PCCA: variants seen among roughly 807,000 people sequenced by gnomAD.
PCCA encodes the protein propionyl-CoA carboxylase subunit alpha, also known as propionyl-CoA carboxylase alpha chain, mitochondrial.
PCCA carries 74 observed loss-of-function variants against 101.3 expected under a neutral mutation model. That is an observed-to-expected ratio of 0.73 (90% confidence interval 0.61 to 0.89). PCCA has a LOEUF of 0.89. Ranked by LOEUF, PCCA falls within the 40% of genes least tolerant of loss-of-function variation. The pLI, the probability that PCCA is intolerant of heterozygous loss-of-function variation, is 0.00. For missense variants in PCCA, 891 were observed against 907.0 expected (o/e 0.98, Z 0.23); for synonymous variants, 294 against 313.6 (o/e 0.94, Z 0.66).
chr13:100,349,325 C>A (rs2072972274), intron 18 of PCCA, among the ~76,000 whole-genome samples: 1 of 152,214 alleles, frequency 6.6e-6, no homozygotes, highest in Non-Finnish European at 1.5e-5. Flanking sequence ...CTGGGTTTCT[C>A]CATGTTGGTC....
Position 100,530,239 on chromosome 13 carries a change from C to A in PCCA, c.*73C>A. Reference sequence around the variant, plus strand: ...ATGATGCTTTCACACACAATTGATTCAAGCATTATACAGGAACACCCCTGT... The same window carrying A: ...ATGATGCTTTCACACACAATTGATTAAAGCATTATACAGGAACACCCCTGT... On this transcript the variant is annotated 3_prime_UTR_variant, in exon 24 of 24. Coordinates refer to ENST00000376285, the MANE Select transcript of PCCA (RefSeq NM_000282.4). 8.3e-7 allele frequency: 1 copy of A among 1,202,694 alleles called. No homozygotes were observed. The highest frequency in any genetic ancestry group is 1.2e-6 in the Non-Finnish European group (1 of 808,648). 74.5% of individuals were successfully genotyped at this position (1,202,694 alleles called of 1,614,324 possible). A position where few individuals can be genotyped will look rare whatever the true frequency, so the allele number is the denominator to read the frequency against.
rs369687883 is a variant in PCCA at position 100,419,652 on chromosome 13, C to G, written c.1747-5981C>G. The stretch of plus-strand genomic sequence containing the variant: ...AGACACAGTTAGGGAGCTATGGAGT[C>G]GTGCATGTGTTTGAAAGCAGAGGCG... On this transcript the variant is annotated intron_variant, in intron 19 of 23. Coordinates refer to ENST00000376285, the MANE Select transcript of PCCA (RefSeq NM_000282.4). Among the ~76,000 whole-genome samples, 133 of 152,246 alleles carry G rather than the reference C, an allele frequency of 8.7e-4. 4 individuals carry two copies. In the South Asian group the frequency reaches 0.025, roughly 28 times the overall value.
chr13:100,143,394 C>T (rs2052127236), intron 4 of PCCA, among the ~76,000 whole-genome samples: 1 of 151,548 alleles, frequency 6.6e-6, no homozygotes, highest in South Asian at 2.1e-4. Flanking sequence ...AATTAGCTAG[C>T]TGTGGTGGTG....
At chr13:100,264,507 C>T (rs948433586) in intron 10 of PCCA, among the ~76,000 whole-genome samples, 17 of 152,076 alleles carry the variant, frequency 1.1e-4, no homozygotes, top group South Asian at 2.1e-4. Flanking sequence ...TAGTCTGTCA[C>T]GTCTTCTTTT....
intron 17 of PCCA, among the ~76,000 whole-genome samples, chr13:100,338,162 A>G (rs2070779145): frequency 6.6e-6 from 1 of 152,222 alleles, no homozygotes; most frequent in Non-Finnish European, 1.5e-5. Context: ...AAGTGCACAC[A>G]GCATCTTTAA....
intron 2 of PCCA, among the ~76,000 whole-genome samples, chr13:100,108,838 C>G (rs182253144): frequency 6.6e-6 from 1 of 152,190 alleles, no homozygotes; most frequent in African/African-American, 2.4e-5. Context: ...GCCTTTTGGG[C>G]AGGGACTTGG....
intron 20 of PCCA, among the ~76,000 whole-genome samples, chr13:100,434,294 G>A (rs2079772865): frequency 6.6e-6 from 1 of 152,176 alleles, no homozygotes; most frequent in African/African-American, 2.4e-5. Context: ...GTGAGAGACA[G>A]GAAGGCAGAA....
intron 7 of PCCA, among the ~76,000 whole-genome samples, chr13:100,219,444 A>G (rs2059692898): frequency 6.6e-6 from 1 of 151,920 alleles, no homozygotes; most frequent in South Asian, 2.1e-4. Context: ...TACACGGGAG[A>G]TTTTTCCTTA....
In PCCA at chr13:100,441,336, A is replaced by G. The variant is rs11620415; in HGVS notation, c.1846-7916A>G. 3.3e-3 allele frequency among the ~76,000 whole-genome samples: 497 copies of G among 152,342 alleles called. 3 individuals carry two copies. The highest frequency in any genetic ancestry group is 0.022 in the South Asian group (105 of 4,826). On this transcript the variant is annotated intron_variant, in intron 20 of 23. Coordinates refer to ENST00000376285, the MANE Select transcript of PCCA (RefSeq NM_000282.4). ...TTTAAAACATATTACCAAGTTGGAA[A>G]TCAGTGAGGGGAAAAAGAAAACTAT...
At chr13:100,465,812 A>G (rs2082472040) in intron 21 of PCCA, among the ~76,000 whole-genome samples, 1 of 152,248 alleles carries the variant, frequency 6.6e-6, no homozygotes, top group Non-Finnish European at 1.5e-5. Context: ...AGTGGCTGGA[A>G]GCTTACAAAG....
intron 6 of PCCA, among the ~76,000 whole-genome samples, chr13:100,175,511 CT>C (rs2056156258): frequency 6.6e-6 from 1 of 152,154 alleles, no homozygotes; most frequent in South Asian, 2.1e-4. Context: ...TGAATTGTGG[CT>C]TTCCGTGCAC....
intron 12 of PCCA, among the ~76,000 whole-genome samples, chr13:100,298,748 T>G (rs568279955): frequency 4.5e-4 from 57 of 127,732 alleles, no homozygotes; most frequent in African/African-American, 1.6e-3. Context: ...CCTTCCGTCC[T>G]TCCTTCCGTC....
chr13:100,477,252 A>G (rs2083487026), intron 21 of PCCA: 1 of 152,194 alleles, frequency 6.6e-6, no homozygotes, highest in Admixed American at 6.5e-5. Flanking sequence ...CACTTAGTAC[A>G]GTTCCTGGCA....
intron 12 of PCCA, among the ~76,000 whole-genome samples, chr13:100,283,476 T>C (rs908383906): frequency 2.0e-5 from 3 of 152,218 alleles, no homozygotes; most frequent in African/African-American, 7.2e-5. Flanking sequence ...TCTGCCTTCC[T>C]CGAGCGGCTA....
intron 13 of PCCA, 123 bp downstream of exon 13, chr13:100,301,726 C>A: frequency 8.9e-7 from 1 of 1,122,982 alleles, no homozygotes. Context: ...ATTACGTAAT[C>A]CATAATTAAA....
At chr13:100,340,461 A>G (rs1293338155) in intron 18 of PCCA, among the ~76,000 whole-genome samples, 2 of 152,212 alleles carry the variant, frequency 1.3e-5, no homozygotes, top group Non-Finnish European at 2.9e-5. Context: ...TTCAGAAAGG[A>G]TAAAAGGATC....
chr13:100,479,143 A>G (rs949006782), intron 21 of PCCA, among the ~76,000 whole-genome samples: 24 of 152,328 alleles, frequency 1.6e-4, no homozygotes, highest in Admixed American at 1.6e-3. Context: ...ATATACTGGG[A>G]AAAAAGGTCA....
At chr13:100,511,575 G>A (rs2086480995) in intron 21 of PCCA, among the ~76,000 whole-genome samples, 1 of 152,244 alleles carries the variant, frequency 6.6e-6, no homozygotes, top group Admixed American at 6.5e-5. Flanking sequence ...ATGGCCAACA[G>A]TTGAGGACAT....
At chr13:100,405,484 TAAAC>T (rs2077617249) in intron 19 of PCCA, among the ~76,000 whole-genome samples, 1 of 152,098 alleles carries the variant, frequency 6.6e-6, no homozygotes, top group Non-Finnish European at 1.5e-5. Context: ...TCATTTTTGT[TAAAC>T]AAAAAAAAAT....
Sources: gnomAD v4.1 joint callset for allele counts (sites outside exome capture counted in the v4.1 genomes callset) on GRCh38, gnomAD v4.1.1 for gene constraint, MANE v1.5 for transcripts, NCBI Gene and HGNC (gene_info 2026-07-23, HGNC 2026-07-21) for gene names.